MAD1L1: variants seen among roughly 807,000 people sequenced by gnomAD.
MAD1L1 encodes the protein mitotic spindle assembly checkpoint protein MAD1.
Under a neutral mutation model 96.9 loss-of-function variants are expected in MAD1L1, and 95 were observed. The observed-to-expected ratio is 0.98, with a 90% CI of 0.83 to 1.16. MAD1L1 has a LOEUF of 1.16. Ranked by LOEUF, MAD1L1 falls within the 50% of genes most tolerant of loss-of-function variation. The pLI is 0.00. For missense variants in MAD1L1, 1,007 were observed against 954.4 expected (o/e 1.06, Z -0.73); for synonymous variants, 473 against 396.6 (o/e 1.19, Z -2.29).
chr7:2,212,897 C>G (rs1046408305), intron 10 of MAD1L1, among the ~76,000 whole-genome samples: 1 of 152,234 alleles, frequency 6.6e-6, no homozygotes, highest in Non-Finnish European at 1.5e-5. Flanking sequence ...ATTATTTCCT[C>G]GGTATACACC....
intron 17 of MAD1L1, among the ~76,000 whole-genome samples, chr7:1,904,303 T>A (rs1787477989): frequency 6.9e-6 from 1 of 145,822 alleles, no homozygotes; most frequent in Non-Finnish European, 1.5e-5. Flanking sequence ...TGGAAGACGC[T>A]CTTGCGGAAC....
chr7:1,986,333 C>T lies in MAD1L1; in HGVS notation c.1417-5792G>A, dbSNP rs1389796145. Among the ~76,000 whole-genome samples the T allele has an allele frequency of 1.0e-4, 3 of 29,914 alleles. No individual in the cohort carries two copies. In the East Asian group the frequency reaches 1.8e-3, roughly 18 times the overall value. 19.6% of individuals were successfully genotyped at this position (29,914 alleles called of 152,430 possible). A position where few individuals can be genotyped will look rare whatever the true frequency, so the allele number is the denominator to read the frequency against. On this transcript the variant is annotated intron_variant, in intron 14 of 18. Coordinates refer to ENST00000265854, the MANE Select transcript of MAD1L1 (RefSeq NM_001013836.2). ...CTCTGCTGCAGCTTGGAACCACACGCCAGTCCAGCTTGGAACCACACGCCA... is the reference window on the plus strand; with the variant it reads ...CTCTGCTGCAGCTTGGAACCACACGTCAGTCCAGCTTGGAACCACACGCCA...
intron 18 of MAD1L1, among the ~76,000 whole-genome samples, chr7:1,888,362 ATGCG>A (rs759679272): frequency 1.7e-4 from 25 of 145,202 alleles, no homozygotes; most frequent in African/African-American, 2.6e-4. Flanking sequence ...GTGTGCATGC[ATGCG>A]TGTATGTGGC....
chr7:1,820,632 A>C (rs1670812546), intron 18 of MAD1L1, among the ~76,000 whole-genome samples: 1 of 151,928 alleles, frequency 6.6e-6, no homozygotes, highest in South Asian at 2.1e-4. Flanking sequence ...GGTGGCATAC[A>C]CCTGTAGCCC....
chr7:1,997,861 C>T (rs530189687), intron 14 of MAD1L1, among the ~76,000 whole-genome samples: 1 of 152,196 alleles, frequency 6.6e-6, no homozygotes, highest in African/African-American at 2.4e-5. Flanking sequence ...ACACAGCCAG[C>T]GAGACCCCTC....
intron 10 of MAD1L1, among the ~76,000 whole-genome samples, chr7:2,163,855 A>G (rs1790286083): frequency 6.6e-6 from 1 of 152,074 alleles, no homozygotes; most frequent in Non-Finnish European, 1.5e-5. Flanking sequence ...CATCCATGCC[A>G]AGAATTACTG....
chr7:1,899,847 G>T (rs1345969529), intron 17 of MAD1L1, among the ~76,000 whole-genome samples: 1 of 152,198 alleles, frequency 6.6e-6, no homozygotes, highest in East Asian at 1.9e-4. Context: ...CTGGAGGTGA[G>T]CAGGGACAGG....
In MAD1L1 at chr7:1,849,149, CACACACACACACGT is replaced by C. The variant is rs1273249235; in HGVS notation, c.1999-32935_1999-32922del. 52 of 97,596 alleles carry C rather than the reference CACACACACACACGT, an allele frequency of 5.3e-4. 1 individual carries two copies. In the Middle Eastern group the frequency reaches 9.8e-3, roughly 18 times the overall value. The allele number at this position is 97,596 out of a possible 1,614,324, so 6.0% of individuals were successfully genotyped here. A position where few individuals can be genotyped will look rare whatever the true frequency, so the allele number is the denominator to read the frequency against. ...ACATGCACACACACGTACACACATG[CACACACACACACGT>C]ACGCACATGCGGGGTCAGGGAGCTG... is the stretch of plus-strand genomic sequence containing the variant. On this transcript the variant is annotated intron_variant, in intron 18 of 18. Coordinates refer to ENST00000265854, the MANE Select transcript of MAD1L1 (RefSeq NM_001013836.2).
chr7:1,893,666 CCT>C (rs1786692227), intron 18 of MAD1L1, among the ~76,000 whole-genome samples: 1 of 152,168 alleles, frequency 6.6e-6, no homozygotes, highest in South Asian at 2.1e-4. Context: ...TGCTCAGCCC[CCT>C]GAGGATGCCT....
intron 17 of MAD1L1, among the ~76,000 whole-genome samples, chr7:1,907,468 A>G (rs140550003): frequency 2.6e-5 from 4 of 152,284 alleles, no homozygotes; most frequent in African/African-American, 9.6e-5. Context: ...AAAAGGGACT[A>G]ATATTTCACC....
intron 17 of MAD1L1, among the ~76,000 whole-genome samples, chr7:1,928,094 C>T (rs1016258258): frequency 2.0e-5 from 3 of 152,150 alleles, no homozygotes; most frequent in African/African-American, 4.8e-5. Context: ...GAGCCCACGA[C>T]GGAACACCTG....
chr7:2,067,937 C>T (rs1784954315), intron 12 of MAD1L1, among the ~76,000 whole-genome samples: 1 of 151,958 alleles, frequency 6.6e-6, no homozygotes, highest in Non-Finnish European at 1.5e-5. Context: ...GCCCACACAT[C>T]CACGCCACGT....
intron 13 of MAD1L1, among the ~76,000 whole-genome samples, chr7:2,006,264 G>T (rs934967305): frequency 6.6e-6 from 1 of 152,128 alleles, no homozygotes; most frequent in Non-Finnish European, 1.5e-5. Flanking sequence ...GGTCAGACAT[G>T]AAGTTTCCAA....
At position 1,860,352 on chromosome 7, in the gene MAD1L1, C is replaced by T. The variant is rs897557990; in HGVS notation, c.1998+37848G>A. Among the ~76,000 whole-genome samples the T allele has an allele frequency of 6.5e-4, 46 of 71,144 alleles. 1 individual carries two copies. Among genetic ancestry groups the T allele is most frequent in the East Asian group, 4.1e-3 (5 of 1,212 alleles). 46.7% of individuals were successfully genotyped at this position (71,144 alleles called of 152,430 possible). On this transcript the variant is annotated intron_variant, in intron 18 of 18. Transcript: ENST00000265854. ...CTGTCTCCCTAGATGTGACATCCTG[C>T]GGGGCGGCCTCTGTGTCCCTAGACT...
chr7:1,912,503 T>C (rs6461009), intron 17 of MAD1L1, among the ~76,000 whole-genome samples: 123,245 of 152,104 alleles, frequency 0.81, 50,010 homozygotes, highest in East Asian at 0.89. Flanking sequence ...GGGCAAGGGG[T>C]GCCCATCCTC....
At chr7:1,895,539 A>G (rs1445870757) in intron 18 of MAD1L1, among the ~76,000 whole-genome samples, 2 of 152,254 alleles carry the variant, frequency 1.3e-5, no homozygotes, top group African/African-American at 4.8e-5. Flanking sequence ...GTGAGCTTCA[A>G]GCATGAAAAC....
chr7:1,868,075 T>C (rs1013459232), intron 18 of MAD1L1, among the ~76,000 whole-genome samples: 2 of 152,154 alleles, frequency 1.3e-5, no homozygotes, highest in African/African-American at 4.8e-5. Context: ...CTGTAAGCAC[T>C]GTCCCTGCCG....
At chr7:1,996,674 C>A (rs1168761298) in intron 14 of MAD1L1, among the ~76,000 whole-genome samples, 1 of 152,204 alleles carries the variant, frequency 6.6e-6, no homozygotes, top group Non-Finnish European at 1.5e-5. Context: ...TAGCCACGGC[C>A]CTTGGTGAGG....
At chr7:1,906,955 T>G (rs1246685850) in intron 17 of MAD1L1, among the ~76,000 whole-genome samples, 1 of 152,090 alleles carries the variant, frequency 6.6e-6, no homozygotes, top group South Asian at 2.1e-4. Context: ...CATACAGCCT[T>G]CCCATGGCCT....
Sources: gnomAD v4.1 joint callset for allele counts (sites outside exome capture counted in the v4.1 genomes callset) on GRCh38, gnomAD v4.1.1 for gene constraint, MANE v1.5 for transcripts, NCBI Gene and HGNC (gene_info 2026-07-23, HGNC 2026-07-21) for gene names.